The following PABPC4L variants were observed in gnomAD, a reference collection of about 807,000 sequenced individuals.
PABPC4L encodes polyadenylate-binding protein 4-like.
For missense variants in PABPC4L, 452 were observed against 451.4 expected (o/e 1.00, Z -0.01); for synonymous variants, 169 against 164.1 (o/e 1.03, Z -0.23).
chr4:133,971,409 C>A, the PABPC4L span, among the ~76,000 whole-genome samples: 1 of 152,232 alleles, frequency 6.6e-6, no homozygotes, highest in African/African-American at 2.4e-5. Flanking sequence ...CCGCGCCCGG[C>A]CTTAAATTCT....
the PABPC4L span, among the ~76,000 whole-genome samples, chr4:134,049,667 T>C: frequency 6.6e-6 from 1 of 152,200 alleles, no homozygotes; most frequent in Non-Finnish European, 1.5e-5. Context: ...TTACCAGTTA[T>C]GGAAACATCT....
chr4:134,007,435 A>C, the PABPC4L span, among the ~76,000 whole-genome samples: 1 of 151,880 alleles, frequency 6.6e-6, no homozygotes, highest in Admixed American at 6.6e-5. Context: ...AGTAACCTTT[A>C]ATAATTGTCA....
the PABPC4L span, among the ~76,000 whole-genome samples, chr4:134,077,956 C>T: frequency 6.6e-6 from 1 of 151,658 alleles, no homozygotes; most frequent in Admixed American, 6.6e-5. Context: ...CCAACCACCC[C>T]ACAAAAAAAC....
chr4:134,038,789 T>A, the PABPC4L span, among the ~76,000 whole-genome samples: 5 of 152,232 alleles, frequency 3.3e-5, no homozygotes, highest in Non-Finnish European at 4.4e-5. Flanking sequence ...GATTCATTGA[T>A]TTTTGTGAAG....
chr4:134,161,208 G>C, the PABPC4L span, among the ~76,000 whole-genome samples: 12 of 151,266 alleles, frequency 7.9e-5, no homozygotes, highest in Admixed American at 7.9e-4. Flanking sequence ...GAATTAGTAA[G>C]CTTAAATGCA....
chr4:134,030,288 T>C, the PABPC4L span, among the ~76,000 whole-genome samples: 1 of 152,070 alleles, frequency 6.6e-6, no homozygotes, highest in East Asian at 1.9e-4. Context: ...GATAGAAAAA[T>C]GTGGGAAAGT....
the PABPC4L span, among the ~76,000 whole-genome samples, chr4:134,157,663 T>G: frequency 6.6e-6 from 1 of 151,954 alleles, no homozygotes; most frequent in Admixed American, 6.6e-5. Context: ...GGCATCAATT[T>G]TGTACTTTTG....
the PABPC4L span, among the ~76,000 whole-genome samples, chr4:134,032,003 A>G: frequency 2.0e-5 from 3 of 151,894 alleles, no homozygotes; most frequent in African/African-American, 7.2e-5. Flanking sequence ...CCAAATGTTT[A>G]TTCATAATAT....
the PABPC4L span, among the ~76,000 whole-genome samples, chr4:134,133,286 A>C: frequency 7.2e-6 from 1 of 138,762 alleles, no homozygotes; most frequent in East Asian, 2.1e-4. Flanking sequence ...ATTATATATA[A>C]TTGATATATT....
At position 134,201,707 on chromosome 4, in the gene PABPC4L, T is replaced by A. The variant is rs1276146657; in HGVS notation, c.-227+11A>T. 1 of 152,478 alleles carries A rather than the reference T, an allele frequency of 6.6e-6. No individual in the cohort carries two copies. Among genetic ancestry groups the A allele is most frequent in the Non-Finnish European group, 1.5e-5 (1 of 68,280 alleles). The allele number at this position is 152,478 out of a possible 1,614,324, so 9.4% of individuals were successfully genotyped here. ...GCGAAGCGGGCGGCCAGGCGGGGGCTGGGGGCTCACCGGCGGTCGTCTGCG... is the reference window on the plus strand; with the variant it reads ...GCGAAGCGGGCGGCCAGGCGGGGGCAGGGGGCTCACCGGCGGTCGTCTGCG... On this transcript the variant is annotated intron_variant, in intron 1 of 1. Transcript: ENST00000421491.
At position 134,197,266 on chromosome 4, in the gene PABPC4L, A is replaced by T. The variant is rs1047956338; in HGVS notation, c.*2641T>A. On this transcript the variant is annotated 3_prime_UTR_variant, in exon 2 of 2. Transcript: ENST00000421491. ...TTTACCAAAATACATGTTATTAAAA[A>T]TGGAAAAGCACATTTTTAAAATATT... is the stretch of plus-strand genomic sequence containing the variant. 3 of 151,762 alleles carry T rather than the reference A, an allele frequency of 2.0e-5. No individual in the cohort carries two copies. Among genetic ancestry groups the T allele is most frequent in the African/African-American group, 7.2e-5 (3 of 41,430 alleles). 9.4% of individuals were successfully genotyped at this position (151,762 alleles called of 1,614,324 possible).
At chr4:133,966,447 A>T in the PABPC4L span, among the ~76,000 whole-genome samples, 1 of 152,340 alleles carries the variant, frequency 6.6e-6, no homozygotes, top group East Asian at 1.9e-4. Flanking sequence ...CAGCAATCCC[A>T]CTACTGAGTA....
the PABPC4L span, among the ~76,000 whole-genome samples, chr4:133,998,826 T>C: frequency 6.6e-6 from 1 of 151,988 alleles, no homozygotes; most frequent in Non-Finnish European, 1.5e-5. Flanking sequence ...CTAGTTTAAT[T>C]GAGAGTGCAA....
chr4:134,176,997 T>C, the PABPC4L span, among the ~76,000 whole-genome samples: 1 of 151,982 alleles, frequency 6.6e-6, no homozygotes, highest in Non-Finnish European at 1.5e-5. Context: ...TCACCAATTG[T>C]GGTGACTTGG....
At chr4:134,068,413 C>T in the PABPC4L span, among the ~76,000 whole-genome samples, 25 of 152,210 alleles carry the variant, frequency 1.6e-4, no homozygotes, top group East Asian at 4.3e-3. Context: ...CTGTTGGTGT[C>T]GTTGCATGGG....
chr4:134,184,762 A>T, the PABPC4L span, among the ~76,000 whole-genome samples: 3 of 152,162 alleles, frequency 2.0e-5, no homozygotes, highest in Non-Finnish European at 4.4e-5. Context: ...GGAATAAACT[A>T]CAAAACTCTC....
In PABPC4L at chr4:134,196,467, T is replaced by G. The variant is rs2125706990; in HGVS notation, c.*3440A>C. ...CCAACTATAAATTCCTATTTGAAAT[T>G]TAAAAGATAAAATGTTAAAAGAATA... is the stretch of plus-strand genomic sequence containing the variant. On this transcript the variant is annotated 3_prime_UTR_variant, in exon 2 of 2. Transcript: ENST00000421491. 6.6e-6 allele frequency: 1 copy of G among 151,822 alleles called. No homozygotes were observed. Among genetic ancestry groups the G allele is most frequent in the South Asian group, 2.1e-4 (1 of 4,830 alleles). The allele number at this position is 151,822 out of a possible 1,614,324, so 9.4% of individuals were successfully genotyped here. A position where few individuals can be genotyped will look rare whatever the true frequency, so the allele number is the denominator to read the frequency against.
the PABPC4L span, among the ~76,000 whole-genome samples, chr4:134,138,689 A>G: frequency 6.8e-4 from 104 of 151,990 alleles, 1 homozygote; most frequent in East Asian, 8.1e-3. Flanking sequence ...TTATAAAGCT[A>G]CATTTAAACC....
chr4:133,952,365 T>C, the PABPC4L span, among the ~76,000 whole-genome samples: 2 of 152,124 alleles, frequency 1.3e-5, no homozygotes, highest in African/African-American at 4.8e-5. Flanking sequence ...GAACCACTTA[T>C]GTTCATAGGA....
Sources: allele counts gnomAD v4.1 joint callset (sites outside exome capture counted in the v4.1 genomes callset), GRCh38; gene constraint gnomAD v4.1.1; transcripts MANE v1.5; gene names NCBI Gene and HGNC (gene_info 2026-07-23, HGNC 2026-07-21).